Variants in TRHDE observed in about 807,000 individuals in gnomAD.
TRHDE encodes thyrotropin releasing hormone degrading enzyme.
In TRHDE, 72 loss-of-function variants were observed where a neutral mutation model predicts 125.7. The observed-to-expected ratio is 0.57, with a 90% CI of 0.47 to 0.70. The LOEUF is 0.70. Among genes scored for constraint, TRHDE ranks in the 30% least tolerant of loss-of-function variants. TRHDE has a pLI of 0.00. For missense variants in TRHDE, 1,110 were observed against 1,327.1 expected (o/e 0.84, Z 2.54); for synonymous variants, 509 against 509.1 (o/e 1.00, Z 0.00).
At chr12:72,405,360 A>T (rs1873221105) in intron 3 of TRHDE, among the ~76,000 whole-genome samples, 1 of 152,258 alleles carries the variant, frequency 6.6e-6, no homozygotes, top group Non-Finnish European at 1.5e-5. Flanking sequence ...TCCATAGATC[A>T]TTGTGTTTAC....
upstream of TRHDE, chr12:72,272,155 C>A (rs2139403548): frequency 2.2e-6 from 1 of 457,322 alleles, no homozygotes; most frequent in South Asian, 1.5e-5. The surrounding 1 kb of genome is among the most constrained non-coding windows in gnomAD (Gnocchi z 6.7). Flanking sequence ...GAGGACCGAA[C>A]GCCGCCGCTG....
At chr12:72,485,813 C>T (rs1468884657) in intron 5 of TRHDE, among the ~76,000 whole-genome samples, 1 of 152,154 alleles carries the variant, frequency 6.6e-6, no homozygotes, top group Non-Finnish European at 1.5e-5. Flanking sequence ...GACCTCCAGG[C>T]TGAGTAGGTG....
chr12:72,570,712 T>C (rs1870683794), intron 10 of TRHDE, among the ~76,000 whole-genome samples: 2 of 152,138 alleles, frequency 1.3e-5, no homozygotes, highest in Non-Finnish European at 2.9e-5. Flanking sequence ...ATGTATTGGT[T>C]CAAACCATAT....
At chr12:72,369,426 T>C (rs140237717) in intron 2 of TRHDE, among the ~76,000 whole-genome samples, 1 of 152,270 alleles carries the variant, frequency 6.6e-6, no homozygotes, top group African/African-American at 2.4e-5. Flanking sequence ...GAAAGGTCGC[T>C]GAGCAGTTGA....
chr12:72,579,422 A>G (rs764333879), intron 12 of TRHDE, among the ~76,000 whole-genome samples: 6 of 152,110 alleles, frequency 3.9e-5, no homozygotes, highest in Admixed American at 6.5e-5. Context: ...ATTATCACCA[A>G]ATTAAAAACA....
At chr12:72,527,299 CA>C in intron 6 of TRHDE, among the ~76,000 whole-genome samples, 1 of 152,058 alleles carries the variant, frequency 6.6e-6, no homozygotes, top group South Asian at 2.1e-4. Context: ...AGTTATTTAT[CA>C]AAAACAAGTG....
intron 6 of TRHDE, among the ~76,000 whole-genome samples, chr12:72,541,965 G>T (rs573833790): frequency 6.6e-6 from 1 of 151,422 alleles, no homozygotes; most frequent in Non-Finnish European, 1.5e-5. Flanking sequence ...GTAAGTAAAA[G>T]AATCATGTTT....
Position 72,133,498 on chromosome 12 carries a change from A to C in TRHDE, n.279+27746A>C, listed in dbSNP as rs555394294. Among the ~76,000 whole-genome samples the C allele has an allele frequency of 8.5e-5, 13 of 152,318 alleles. No homozygotes were observed. The East Asian group carries it at 1.9e-3, about 23-fold the overall frequency. Reference sequence around the variant, plus strand: ...ATATCACTGTACCAGAAGAAGTCCTATTATAAGATGCCTGGGCTAGAACAT... The same window carrying C: ...ATATCACTGTACCAGAAGAAGTCCTCTTATAAGATGCCTGGGCTAGAACAT... On this transcript the variant is annotated intron_variant and non_coding_transcript_variant, in intron 2 of 4. Transcript: ENST00000548156.
chr12:72,279,231 T>C (rs1879604664), intron 1 of TRHDE, among the ~76,000 whole-genome samples: 2 of 152,200 alleles, frequency 1.3e-5, no homozygotes, highest in Admixed American at 1.3e-4. Flanking sequence ...TTTACAAAAA[T>C]GGGACTTACC....
intron 3 of TRHDE, among the ~76,000 whole-genome samples, chr12:72,421,029 C>T (rs962281086): frequency 1.3e-5 from 2 of 150,644 alleles, no homozygotes; most frequent in Non-Finnish European, 2.9e-5. Context: ...AGTGCAGTGG[C>T]GCGATCTCAG....
At chr12:72,092,454 T>C (rs897520472) in intron 1 of TRHDE, among the ~76,000 whole-genome samples, 3 of 152,202 alleles carry the variant, frequency 2.0e-5, no homozygotes, top group Admixed American at 6.5e-5. Context: ...ACTCAAACAG[T>C]ACAATCAGGA....
chr12:72,250,862 A>ATATATATATATATATATATTTT (rs981275202), intron 2 of TRHDE, among the ~76,000 whole-genome samples: 1 of 144,262 alleles, frequency 6.9e-6, no homozygotes, highest in African/African-American at 2.5e-5. Flanking sequence ...ATATATATAT[A>ATATATATATATATATATATTTT]TTTTATTTTT....
At chr12:72,113,028 C>A (rs964524411) in intron 2 of TRHDE, among the ~76,000 whole-genome samples, 6 of 151,850 alleles carry the variant, frequency 4.0e-5, no homozygotes, top group African/African-American at 1.5e-4. Flanking sequence ...ATTGTTTTTT[C>A]TTTTTTTGAG....
intron 2 of TRHDE, among the ~76,000 whole-genome samples, chr12:72,134,897 A>T (rs1018427902): frequency 1.3e-5 from 2 of 152,206 alleles, no homozygotes; most frequent in Non-Finnish European, 2.9e-5. Context: ...ACTAATAGCT[A>T]TTGTGATACT....
At chr12:72,502,371 A>G (rs891214791) in intron 6 of TRHDE, among the ~76,000 whole-genome samples, 4 of 152,058 alleles carry the variant, frequency 2.6e-5, no homozygotes, top group Non-Finnish European at 5.9e-5. Context: ...CATTCACTTT[A>G]AGATACTTGC....
At chr12:72,263,405 T>C (rs1305661923) in intron 2 of TRHDE, 1 of 95,062 alleles carries the variant, frequency 1.1e-5, no homozygotes, top group Non-Finnish European at 2.0e-5. Flanking sequence ...ATGTTTTGTT[T>C]TGTTTTGTTT....
chr12:72,156,370 C>T (rs140292449), intron 2 of TRHDE, among the ~76,000 whole-genome samples: 3,700 of 152,332 alleles, frequency 0.024, 63 homozygotes, highest in Non-Finnish European at 0.04. Context: ...CGCCCTGCTT[C>T]GGCTCATGCT....
intron 12 of TRHDE, among the ~76,000 whole-genome samples, chr12:72,606,567 G>A (rs559923093): frequency 6.6e-6 from 1 of 152,268 alleles, no homozygotes; most frequent in South Asian, 2.1e-4. Flanking sequence ...AAGAAACTGA[G>A]ACTAAAATGG....
intron 2 of TRHDE, among the ~76,000 whole-genome samples, chr12:72,337,025 T>C (rs188298781): frequency 2.2e-3 from 341 of 152,302 alleles, no homozygotes; most frequent in African/African-American, 8.0e-3. Context: ...TCAGAATCTG[T>C]ATTTTAAGGA....
Sources: allele counts gnomAD v4.1 joint callset (sites outside exome capture counted in the v4.1 genomes callset), GRCh38; gene constraint gnomAD v4.1.1; non-coding constraint Gnocchi (gnomAD v3.1); transcripts MANE v1.5; gene names NCBI Gene and HGNC (gene_info 2026-07-23, HGNC 2026-07-21).